Variants in FAM53A observed in about 807,000 individuals in gnomAD.
The protein encoded by FAM53A is family with sequence similarity 53 member A, also known as protein FAM53A.
FAM53A carries 28 observed loss-of-function variants against 26.6 expected under a neutral mutation model. The observed-to-expected ratio is 1.05, with a 90% CI of 0.78 to 1.45. FAM53A has a LOEUF of 1.45. Among genes scored for constraint, FAM53A ranks in the 40% most tolerant of loss-of-function variants. FAM53A has a pLI of 0.00. For missense variants in FAM53A, 650 were observed against 575.8 expected, an observed-to-expected ratio of 1.13 and a Z score of -1.32; for synonymous variants, 290 against 253.1, an observed-to-expected ratio of 1.15 and a Z score of -1.38.
chr4:1,666,795 G>A (rs149838737), intron 2 of FAM53A, among the ~76,000 whole-genome samples: 1,614 of 152,252 alleles, frequency 0.011, 12 homozygotes, highest in Middle Eastern at 0.02. Flanking sequence ...GACCAGCCTC[G>A]CCAACATGGC....
the FAM53A span, among the ~76,000 whole-genome samples, chr4:1,591,122 T>A: frequency 6.6e-6 from 1 of 151,732 alleles, no homozygotes. Context: ...TATCCCACAT[T>A]GCTTTGGGTG....
chr4:1,664,655 C>T (rs1447351701), intron 2 of FAM53A, among the ~76,000 whole-genome samples: 1 of 152,186 alleles, frequency 6.6e-6, no homozygotes, highest in Non-Finnish European at 1.5e-5. Flanking sequence ...TTCCTCAACA[C>T]AGGCAATCAC....
At chr4:1,678,629 C>T (rs1715198986) in intron 1 of FAM53A, among the ~76,000 whole-genome samples, 1 of 152,294 alleles carries the variant, frequency 6.6e-6, no homozygotes, top group East Asian at 1.9e-4. Context: ...CAAGAGCAGT[C>T]TGGCCAACAT....
chr4:1,592,579 G>A, the FAM53A span, among the ~76,000 whole-genome samples: 2 of 152,124 alleles, frequency 1.3e-5, no homozygotes, highest in Non-Finnish European at 2.9e-5. Context: ...CCCCCGACAC[G>A]CGGTTCTGCA....
At chr4:1,677,209 G>A (rs894146657) in intron 1 of FAM53A, among the ~76,000 whole-genome samples, 1 of 152,070 alleles carries the variant, frequency 6.6e-6, no homozygotes, top group Non-Finnish European at 1.5e-5. Flanking sequence ...GTCTTCTCTC[G>A]CCCCAACTTT....
chr4:1,639,378 T>G (rs1711509746), downstream of FAM53A, among the ~76,000 whole-genome samples: 1 of 152,110 alleles, frequency 6.6e-6, no homozygotes, highest in South Asian at 2.1e-4. Context: ...AACACAACCT[T>G]CCTGTGCAGT....
At chr4:1,652,754 C>T (rs1712974777) in intron 4 of FAM53A, among the ~76,000 whole-genome samples, 1 of 148,752 alleles carries the variant, frequency 6.7e-6, no homozygotes, top group African/African-American at 2.5e-5. Context: ...ACACACACAC[C>T]ACACACAGAC....
the FAM53A span, among the ~76,000 whole-genome samples, chr4:1,584,723 C>A: frequency 7.9e-5 from 12 of 152,230 alleles, no homozygotes; most frequent in Non-Finnish European, 1.6e-4. Flanking sequence ...TCCAGCATGG[C>A]GGTCTTGAGA....
the FAM53A span, among the ~76,000 whole-genome samples, chr4:1,586,957 CT>C: frequency 3.3e-5 from 5 of 152,284 alleles, no homozygotes; most frequent in African/African-American, 9.6e-5. Context: ...TGATATCTCA[CT>C]GGGATTTTGA....
At chr4:1,642,701 TC>T (rs1711834739) in intron 4 of FAM53A, among the ~76,000 whole-genome samples, 2 of 142,394 alleles carry the variant, frequency 1.4e-5, no homozygotes, top group South Asian at 2.4e-4. Context: ...TTGCCTCAAG[TC>T]CCCCGTCTGT....
chr4:1,647,680 C>T (rs1033251879), intron 4 of FAM53A, among the ~76,000 whole-genome samples: 1 of 152,172 alleles, frequency 6.6e-6, no homozygotes, highest in Admixed American at 6.5e-5. Flanking sequence ...AGCCGGGGTG[C>T]GGATGTGAGC....
the FAM53A span, among the ~76,000 whole-genome samples, chr4:1,591,003 A>ATAT: frequency 1.6e-5 from 1 of 62,068 alleles, no homozygotes; most frequent in African/African-American, 5.4e-5. Flanking sequence ...TATATATATA[A>ATAT]TCATTCTATG....
At chr4:1,624,279 G>A (rs1379784570) in intron 1 of FAM53A, among the ~76,000 whole-genome samples, 1 of 152,198 alleles carries the variant, frequency 6.6e-6, no homozygotes, top group Non-Finnish European at 1.5e-5. Context: ...CAGGCAGGGT[G>A]GGGCTGGACG....
intron 1 of FAM53A, among the ~76,000 whole-genome samples, chr4:1,672,337 CAT>C (rs1238473155): frequency 0.15 from 12,818 of 84,054 alleles, 1,598 homozygotes; most frequent in African/African-American, 0.35. Context: ...CCCAGGAACC[CAT>C]AGACCCATGG....
chr4:1,679,870 G>A (rs1228491018), intron 1 of FAM53A, among the ~76,000 whole-genome samples: 1 of 151,128 alleles, frequency 6.6e-6, no homozygotes, highest in African/African-American at 2.4e-5. Flanking sequence ...CCCACACATC[G>A]AAACCCCATC....
At chr4:1,593,637 T>C in the FAM53A span, among the ~76,000 whole-genome samples, 1 of 152,050 alleles carries the variant, frequency 6.6e-6, no homozygotes, top group Non-Finnish European at 1.5e-5. Context: ...ATTTAAAAGA[T>C]AGCGCGATAC....
At chr4:1,676,267 G>C (rs1715035431) in intron 1 of FAM53A, among the ~76,000 whole-genome samples, 2 of 152,094 alleles carry the variant, frequency 1.3e-5, no homozygotes, top group Admixed American at 1.3e-4. Flanking sequence ...CCCGGCTCTG[G>C]CATCACTCCA....
chr4:1,675,819 G>C (rs537146168), intron 1 of FAM53A, among the ~76,000 whole-genome samples: 3 of 152,030 alleles, frequency 2.0e-5, no homozygotes, highest in Admixed American at 2.0e-4. Flanking sequence ...TTCTCCCCTC[G>C]CTCCCCAGGA....
At chr4:1,650,376 G>A (rs1712666358) in intron 4 of FAM53A, among the ~76,000 whole-genome samples, 1 of 98,524 alleles carries the variant, frequency 1.0e-5, no homozygotes, top group South Asian at 3.1e-4. Context: ...GGTGGCACAG[G>A]TGTGGTGTTT....
Sources: allele counts gnomAD v4.1 joint callset (sites outside exome capture counted in the v4.1 genomes callset), GRCh38; gene constraint gnomAD v4.1.1; transcripts MANE v1.5; gene names NCBI Gene and HGNC (gene_info 2026-07-23, HGNC 2026-07-21).